CDC14B: variants seen among roughly 807,000 people sequenced by gnomAD.
The protein encoded by CDC14B is dual specificity protein phosphatase CDC14B.
Under a neutral mutation model 64.2 loss-of-function variants are expected in CDC14B, and 22 were observed. That is an observed-to-expected ratio of 0.34 (90% CI 0.24 to 0.49). The LOEUF is 0.49. CDC14B is among the 20% of genes least tolerant of loss of function. The pLI is 0.99. For synonymous variants in CDC14B, 191 were observed against 215.8 expected (o/e 0.89, Z 1.01); for missense variants, 498 against 629.9 (o/e 0.79, Z 2.24).
chr9:96,499,207 C>T (rs960587097), downstream of CDC14B, among the ~76,000 whole-genome samples: 3 of 152,076 alleles, frequency 2.0e-5, no homozygotes, highest in Non-Finnish European at 2.9e-5. Context: ...GGTGTGGAGT[C>T]GGGAGAGGGG....
chr9:96,583,715 T>TTTTTTA (rs1382208495), intron 1 of CDC14B, among the ~76,000 whole-genome samples: 19 of 151,180 alleles, frequency 1.3e-4, no homozygotes, highest in African/African-American at 4.4e-4. Context: ...GGATTTCTTA[T>TTTTTTA]TTTTTATTTT....
At chr9:96,532,146 G>A (rs1036681185) in intron 9 of CDC14B, among the ~76,000 whole-genome samples, 3 of 152,182 alleles carry the variant, frequency 2.0e-5, no homozygotes, top group African/African-American at 7.2e-5. Flanking sequence ...ATCTCGTTAC[G>A]ATAATACTAG....
intron 13 of CDC14B, among the ~76,000 whole-genome samples, chr9:96,509,121 T>G (rs1193514582): frequency 6.6e-6 from 1 of 152,182 alleles, no homozygotes; most frequent in Non-Finnish European, 1.5e-5. Context: ...ATGAGAAATA[T>G]CCAAAGACAA....
chr9:96,537,864 A>G (rs939064809), intron 7 of CDC14B, among the ~76,000 whole-genome samples: 1 of 151,920 alleles, frequency 6.6e-6, no homozygotes, highest in African/African-American at 2.4e-5. Context: ...CTGGGACTAC[A>G]GGCGCCCACC....
At chr9:96,560,242 C>T (rs1201532458) in intron 4 of CDC14B, among the ~76,000 whole-genome samples, 1 of 152,152 alleles carries the variant, frequency 6.6e-6, no homozygotes, top group Non-Finnish European at 1.5e-5. Context: ...CGGTCTGGCC[C>T]CTCTGCTTTG....
chr9:96,551,111 C>CTTTTTTTGTTTTTTTTTTT (rs1841748867), intron 5 of CDC14B, among the ~76,000 whole-genome samples: 1 of 93,296 alleles, frequency 1.1e-5, no homozygotes, highest in African/African-American at 4.9e-5. Context: ...TTGGGGTTTG[C>CTTTTTTTGTTTTTTTTTTT]TTTTTTTTTT....
In CDC14B at chr9:96,597,228, T is replaced by G. The variant is rs535751684; in HGVS notation, c.160+21991A>C. On this transcript the variant is annotated intron_variant, in intron 1 of 13. Coordinates refer to ENST00000375241, the MANE Select transcript of CDC14B (RefSeq NM_033331.4). ...ACAGGAGAGGGCCAGGCGCAGTGGC[T>G]CACGCCTGTAATCCCGGTACTTTGG... Among the ~76,000 whole-genome samples the G allele has an allele frequency of 2.8e-4, 42 of 152,306 alleles. 1 individual carries two copies. In the South Asian group the frequency reaches 8.7e-3, roughly 32 times the overall value.
intron 1 of CDC14B, among the ~76,000 whole-genome samples, chr9:96,580,931 A>G (rs1236443807): frequency 6.6e-6 from 1 of 152,210 alleles, no homozygotes; most frequent in Non-Finnish European, 1.5e-5. Flanking sequence ...ATTTATATGT[A>G]TAAAAATAAA....
At position 96,500,422 on chromosome 9, in the gene CDC14B, TG is replaced by T. The variant is rs1239849162; in HGVS notation, c.*3330del. ...TTTAAAACTTTTAATAATCTGTACA[TG>T]AGTGCAGGTTAGATAAAAGTCTGCA... is the stretch of plus-strand genomic sequence containing the variant. On this transcript the variant is annotated 3_prime_UTR_variant, in exon 14 of 14. Coordinates refer to ENST00000375241, the MANE Select transcript of CDC14B (RefSeq NM_033331.4). 1 of 152,680 alleles carries T rather than the reference TG, an allele frequency of 6.5e-6. No homozygotes were observed. Among genetic ancestry groups the T allele is most frequent in the Non-Finnish European group, 1.5e-5 (1 of 68,050 alleles). 9.5% of individuals were successfully genotyped at this position (152,680 alleles called of 1,614,324 possible).
intron 1 of CDC14B, chr9:96,567,148 C>CA: frequency 2.2e-6 from 1 of 447,516 alleles, no homozygotes; most frequent in Non-Finnish European, 4.0e-6. Flanking sequence ...AGGGCTCCTC[C>CA]AGTGCCCAAA....
In CDC14B at chr9:96,534,646, C is replaced by T. The variant is rs536179932; in HGVS notation, c.628-104G>A. 16 of 723,326 alleles carry T rather than the reference C, an allele frequency of 2.2e-5. No individual in the cohort carries two copies. In the East Asian group the frequency reaches 3.2e-4, roughly 14 times the overall value. 44.8% of individuals were successfully genotyped at this position (723,326 alleles called of 1,614,324 possible). A position where few individuals can be genotyped will look rare whatever the true frequency, so the allele number is the denominator to read the frequency against. ...AGGACTTCAAACTCATTTGCTTTAGCGGAAAAGCTGTTTACAAATTGCCAT... is the reference window on the plus strand; with the variant it reads ...AGGACTTCAAACTCATTTGCTTTAGTGGAAAAGCTGTTTACAAATTGCCAT... On this transcript the variant is annotated intron_variant, in intron 7 of 13. Coordinates refer to ENST00000375241, the MANE Select transcript of CDC14B (RefSeq NM_033331.4).
intron 1 of CDC14B, among the ~76,000 whole-genome samples, chr9:96,618,899 G>T (rs887084239): frequency 6.6e-6 from 1 of 152,236 alleles, no homozygotes; most frequent in Non-Finnish European, 1.5e-5. Flanking sequence ...GCAGCCCGCG[G>T]GGAGGAGCTG....
chr9:96,611,034 G>C (rs1192686607), intron 1 of CDC14B, among the ~76,000 whole-genome samples: 2 of 151,052 alleles, frequency 1.3e-5, no homozygotes, highest in African/African-American at 2.4e-5. Flanking sequence ...TAAAAGAACT[G>C]CAAAGTAGTC....
At chr9:96,554,529 G>C (rs972442272) in intron 4 of CDC14B, among the ~76,000 whole-genome samples, 1 of 152,056 alleles carries the variant, frequency 6.6e-6, no homozygotes, top group Non-Finnish European at 1.5e-5. Flanking sequence ...AAAACCACAA[G>C]AACAATGTAA....
intron 9 of CDC14B, among the ~76,000 whole-genome samples, chr9:96,525,248 G>A (rs1245620416): frequency 6.6e-6 from 1 of 152,126 alleles, no homozygotes; most frequent in Non-Finnish European, 1.5e-5. Context: ...GCAAGGACAA[G>A]AGATGGGATT....
intron 1 of CDC14B, among the ~76,000 whole-genome samples, chr9:96,583,009 A>G (rs2118394905): frequency 6.6e-6 from 1 of 152,342 alleles, no homozygotes; most frequent in South Asian, 2.1e-4. Flanking sequence ...TCAGAAACTT[A>G]CACTCCAGAG....
intron 1 of CDC14B, among the ~76,000 whole-genome samples, chr9:96,594,701 A>G (rs1194872342): frequency 7.6e-6 from 1 of 132,290 alleles, no homozygotes; most frequent in Non-Finnish European, 1.6e-5. Context: ...TGGGCAACAG[A>G]GCAAGGCTGT....
At chr9:96,591,803 T>A (rs1442715858) in intron 1 of CDC14B, among the ~76,000 whole-genome samples, 1 of 152,024 alleles carries the variant, frequency 6.6e-6, no homozygotes, top group Non-Finnish European at 1.5e-5. Context: ...TGGAGTGCAG[T>A]GGCGCGATCT....
intron 9 of CDC14B, among the ~76,000 whole-genome samples, chr9:96,525,676 G>C (rs544117901): frequency 1.5e-4 from 23 of 152,308 alleles, no homozygotes; most frequent in Admixed American, 3.3e-4. Flanking sequence ...TCTTTCTTCT[G>C]GTTTCTCCCT....
Sources: gnomAD v4.1 joint callset for allele counts (sites outside exome capture counted in the v4.1 genomes callset) on GRCh38, gnomAD v4.1.1 for gene constraint, MANE v1.5 for transcripts, NCBI Gene and HGNC (gene_info 2026-07-23, HGNC 2026-07-21) for gene names.